Variants in RCOR1 observed in about 807,000 individuals in gnomAD.
RCOR1 encodes the protein REST corepressor.
A neutral mutation model predicts 64.0 loss-of-function variants in RCOR1; 12 were observed. The ratio of observed to expected loss-of-function variants is 0.19; its 90% CI spans 0.12 to 0.30. The LOEUF (loss-of-function observed/expected upper bound fraction) is 0.30. Ranked by LOEUF, RCOR1 falls within the 10% of genes least tolerant of loss-of-function variation. RCOR1 has a pLI of 1.00. For missense variants in RCOR1, 502 were observed against 621.2 expected (o/e 0.81, Z 2.04); for synonymous variants, 279 against 227.2 (o/e 1.23, Z -2.05).
chr14:102,677,850 G>A lies in RCOR1; in HGVS notation c.362-4045G>A, dbSNP rs11628034. 4.0e-3 allele frequency among the ~76,000 whole-genome samples: 605 copies of A among 151,520 alleles called. 1 individual carries two copies. Among genetic ancestry groups the A allele is most frequent in the African/African-American group, 0.014 (566 of 41,364 alleles). The stretch of plus-strand genomic sequence containing the variant: ...GGCACTTTGGGGGGCCAAGGCAGGC[G>A]GCTGGGAGGTGGAGGTTGTAGCGAG... On this transcript the variant is annotated intron_variant, in intron 2 of 11. Transcript: ENST00000262241.
At chr14:102,645,140 G>C (rs767216097) in intron 2 of RCOR1, among the ~76,000 whole-genome samples, 5 of 152,102 alleles carry the variant, frequency 3.3e-5, no homozygotes, top group Admixed American at 6.6e-5. Context: ...GTTTGTGGTA[G>C]GTCCTTCATT....
At chr14:102,623,019 G>T (rs1158656891) in intron 2 of RCOR1, among the ~76,000 whole-genome samples, 1 of 152,070 alleles carries the variant, frequency 6.6e-6, no homozygotes, top group Non-Finnish European at 1.5e-5. Flanking sequence ...TGTTTGAATG[G>T]CATCTTTTTC....
In RCOR1 at chr14:102,729,397, C is replaced by T. The variant is rs1419000819; in HGVS notation, c.*2891C>T. On this transcript the variant is annotated 3_prime_UTR_variant, in exon 12 of 12. Transcript: ENST00000262241. ...CTTTTAACTGGGAAGGAACCACACC[C>T]CAGTTGTGCCGATTACATTAGTGTT... 1 of 153,408 alleles carries T rather than the reference C, an allele frequency of 6.5e-6. No individual in the cohort carries two copies. The highest frequency in any genetic ancestry group is 2.4e-5 in the African/African-American group (1 of 41,486). 9.5% of individuals were successfully genotyped at this position (153,408 alleles called of 1,614,324 possible).
intron 2 of RCOR1, among the ~76,000 whole-genome samples, chr14:102,649,296 G>A (rs1894538072): frequency 6.6e-6 from 1 of 152,168 alleles, no homozygotes; most frequent in Non-Finnish European, 1.5e-5. Flanking sequence ...ACTGAACTTA[G>A]GGAGCAATTT....
intron 2 of RCOR1, among the ~76,000 whole-genome samples, chr14:102,618,573 C>T (rs575686902): frequency 1.3e-5 from 2 of 152,242 alleles, no homozygotes; most frequent in East Asian, 1.9e-4. Context: ...ATGCCCATGC[C>T]AATGTACTCC....
intron 2 of RCOR1, among the ~76,000 whole-genome samples, chr14:102,639,269 T>C (rs999098568): frequency 6.8e-6 from 1 of 147,974 alleles, no homozygotes; most frequent in Admixed American, 6.7e-5. Flanking sequence ...TCTTTCTTTT[T>C]TTTTTTTTTT....
intron 2 of RCOR1, among the ~76,000 whole-genome samples, chr14:102,603,151 C>T (rs974666547): frequency 2.0e-5 from 3 of 151,668 alleles, no homozygotes; most frequent in African/African-American, 4.9e-5. Context: ...GTGATCATAG[C>T]GTACTGTAGC....
At chr14:102,613,899 T>A (rs1335077722) in intron 2 of RCOR1, among the ~76,000 whole-genome samples, 3 of 144,352 alleles carry the variant, frequency 2.1e-5, no homozygotes, top group Non-Finnish European at 3.0e-5. Flanking sequence ...TTTTTTTTTT[T>A]TTTTTTTTTT....
chr14:102,672,709 C>T (rs188450076), intron 2 of RCOR1, among the ~76,000 whole-genome samples: 1 of 152,308 alleles, frequency 6.6e-6, no homozygotes, highest in African/African-American at 2.4e-5. Flanking sequence ...CAGTGAGAGA[C>T]TACTTCACAC....
chr14:102,683,420 C>T (rs1243206187), intron 3 of RCOR1, among the ~76,000 whole-genome samples: 1 of 152,160 alleles, frequency 6.6e-6, no homozygotes, highest in Non-Finnish European at 1.5e-5. Context: ...AAACAGACTC[C>T]CGAGCCACGA....
intron 6 of RCOR1, among the ~76,000 whole-genome samples, chr14:102,709,030 G>A (rs1382926051): frequency 6.6e-6 from 1 of 152,130 alleles, no homozygotes; most frequent in African/African-American, 2.4e-5. Context: ...TAATCTCTTA[G>A]TAAGGATATT....
chr14:102,725,909 A>G (rs891568858), intron 11 of RCOR1, among the ~76,000 whole-genome samples: 1 of 152,160 alleles, frequency 6.6e-6, no homozygotes, highest in African/African-American at 2.4e-5. Flanking sequence ...TGAAGTAGGT[A>G]TTATCACTAT....
chr14:102,667,607 C>T lies in RCOR1; in HGVS notation c.362-14288C>T, dbSNP rs549493283. On this transcript the variant is annotated intron_variant, in intron 2 of 11. Coordinates refer to ENST00000262241, the MANE Select transcript of RCOR1 (RefSeq NM_015156.4). The stretch of plus-strand genomic sequence containing the variant: ...ATCTGGGGAGACCGAATTTAGCCTG[C>T]AACCTTTAAGACAGGACAAGATGAG... 3.9e-5 allele frequency among the ~76,000 whole-genome samples: 6 copies of T among 152,254 alleles called. No homozygotes were observed. The East Asian group carries it at 9.6e-4, about 24-fold the overall frequency.
At chr14:102,616,478 C>T (rs1893765664) in intron 2 of RCOR1, among the ~76,000 whole-genome samples, 1 of 151,988 alleles carries the variant, frequency 6.6e-6, no homozygotes, top group Non-Finnish European at 1.5e-5. Flanking sequence ...GCTGTATTGC[C>T]CAGGCTGGTC....
intron 5 of RCOR1, among the ~76,000 whole-genome samples, 174 bp from the exon 6 acceptor site, chr14:102,708,290 CG>C (rs1895894612): frequency 6.6e-6 from 1 of 152,066 alleles, no homozygotes; most frequent in Non-Finnish European, 1.5e-5. Context: ...TTAGTAGAGA[CG>C]GGGTTTCACC....
chr14:102,663,476 A>G (rs888584691), intron 2 of RCOR1, among the ~76,000 whole-genome samples: 4 of 152,206 alleles, frequency 2.6e-5, no homozygotes, highest in Non-Finnish European at 4.4e-5. Flanking sequence ...GTGTAAAGGT[A>G]TGTCCTTAGC....
chr14:102,729,315 GT>G lies in RCOR1; in HGVS notation c.*2811del, dbSNP rs1454865639. 1 of 152,650 alleles carries G rather than the reference GT, an allele frequency of 6.6e-6. No individual in the cohort carries two copies. Among genetic ancestry groups the G allele is most frequent in the Non-Finnish European group, 1.5e-5 (1 of 68,056 alleles). 9.5% of individuals were successfully genotyped at this position (152,650 alleles called of 1,614,324 possible). On this transcript the variant is annotated 3_prime_UTR_variant, in exon 12 of 12. Coordinates refer to ENST00000262241, the MANE Select transcript of RCOR1 (RefSeq NM_015156.4). ...TTTCACTTATCCATTTAAACACCTT[GT>G]TACTTGAATATTGTGTTGACTGGTC...
At chr14:102,637,719 A>G (rs1176617507) in intron 2 of RCOR1, among the ~76,000 whole-genome samples, 1 of 152,306 alleles carries the variant, frequency 6.6e-6, no homozygotes, top group Non-Finnish European at 1.5e-5. Context: ...TCAAGTGCTG[A>G]GATTACAGGC....
rs966035770 is a variant in RCOR1 at position 102,602,124 on chromosome 14, A to C, written c.361+8799A>C. 2.6e-5 allele frequency among the ~76,000 whole-genome samples: 4 copies of C among 151,200 alleles called. No homozygotes were observed. In the South Asian group the frequency reaches 8.4e-4, roughly 32 times the overall value. ...CAGTGAGCCGAGGTTGTGCCACTGC[A>C]CTCCAGACTGGACGACAGAGCTAGA... On this transcript the variant is annotated intron_variant, in intron 2 of 11. Transcript: ENST00000262241.
Sources: allele counts gnomAD v4.1 joint callset (sites outside exome capture counted in the v4.1 genomes callset), GRCh38; gene constraint gnomAD v4.1.1; transcripts MANE v1.5; gene names NCBI Gene and HGNC (gene_info 2026-07-23, HGNC 2026-07-21).